The following SCLT1 variants were observed in gnomAD, a reference collection of about 807,000 sequenced individuals.
SCLT1 encodes sodium channel-associated protein 1.
SCLT1 carries 78 observed loss-of-function variants against 112.8 expected under a neutral mutation model. The ratio of observed to expected loss-of-function variants is 0.69; its 90% confidence interval spans 0.58 to 0.83. The LOEUF is 0.83. Ranked by LOEUF, SCLT1 falls within the 40% of genes least tolerant of loss-of-function variation. The pLI is 0.00. For missense variants in SCLT1, 747 were observed against 770.4 expected, an observed-to-expected ratio of 0.97 and a Z score of 0.36; for synonymous variants, 257 against 254.7, an observed-to-expected ratio of 1.01 and a Z score of -0.09.
chr4:128,875,233 G>GTCT (rs1337584185), intron 4 of SCLT1: 1 of 152,586 alleles, frequency 6.6e-6, no homozygotes. Context: ...CATTTTAAGT[G>GTCT]TCTTTTGAAA....
chr4:129,043,590 C>T (rs1747905699), intron 3 of SCLT1, 123 bp from the exon 4 acceptor site: 1 of 569,274 alleles, frequency 1.8e-6, no homozygotes. Flanking sequence ...AAAAACTTTT[C>T]CCTTTTTTCC....
At position 128,893,599 on chromosome 4, in the gene SCLT1, G is replaced by A. The variant is rs947071063; in HGVS notation, c.1830-2462C>T. On this transcript the variant is annotated intron_variant, in intron 18 of 20. Coordinates refer to ENST00000281142, the MANE Select transcript of SCLT1 (RefSeq NM_144643.4). The stretch of plus-strand genomic sequence containing the variant: ...GCTCTGTCCCCCAGGCTGGAGTGCA[G>A]TGGTGCCATCTCGGCTCACTGCAAG... Among the ~76,000 whole-genome samples the A allele has an allele frequency of 3.3e-5, 5 of 152,258 alleles. No homozygotes were observed. The East Asian group carries it at 7.7e-4, about 24-fold the overall frequency.
chr4:129,065,180 G>T, intron 2 of SCLT1, among the ~76,000 whole-genome samples: 1 of 151,594 alleles, frequency 6.6e-6, no homozygotes, highest in Admixed American at 6.6e-5. Context: ...AATTTACCAC[G>T]GATTTAACTC....
At chr4:129,056,543 T>G (rs1749412855) in intron 2 of SCLT1, among the ~76,000 whole-genome samples, 1 of 152,234 alleles carries the variant, frequency 6.6e-6, no homozygotes. Context: ...TATAGAAATC[T>G]TTCACCACCT....
intron 9 of SCLT1, among the ~76,000 whole-genome samples, chr4:128,972,967 G>A (rs1740822622): frequency 6.6e-6 from 1 of 152,088 alleles, no homozygotes; most frequent in Admixed American, 6.5e-5. Flanking sequence ...TAGCCTCAAA[G>A]AGTCTCATCT....
intron 3 of SCLT1, among the ~76,000 whole-genome samples, chr4:129,043,703 C>T (rs1172011270): frequency 6.6e-6 from 1 of 152,168 alleles, no homozygotes; most frequent in Admixed American, 6.5e-5. Context: ...TAACAGCATA[C>T]TTGGCCTCTA....
At chr4:129,088,357 T>C (rs1286359755) in intron 1 of SCLT1, among the ~76,000 whole-genome samples, 2 of 152,138 alleles carry the variant, frequency 1.3e-5, no homozygotes, top group African/African-American at 4.8e-5. Context: ...AAATTAAGAA[T>C]AGAAAGGAAC....
At chr4:128,937,469 T>G (rs1449959358) in intron 17 of SCLT1, among the ~76,000 whole-genome samples, 2 of 152,152 alleles carry the variant, frequency 1.3e-5, no homozygotes, top group African/African-American at 4.8e-5. Flanking sequence ...CACTTCTCTC[T>G]TTATTTACTC....
rs1299347813 is a variant in SCLT1, at chr4:128,903,289, G to C, written c.1830-12152C>G. Among the ~76,000 whole-genome samples, 12 of 151,720 alleles carry C rather than the reference G, an allele frequency of 7.9e-5. 1 individual carries two copies. ...TGCATTGCACTAAGACATTATAACA[G>C]CTATGACGTCACTACGCAACAGGAA... On this transcript the variant is annotated intron_variant, in intron 18 of 20. Transcript: ENST00000281142.
chr4:129,003,944 C>A, intron 5 of SCLT1, 68 bp from the exon 6 acceptor site: 1 of 1,399,890 alleles, frequency 7.1e-7, no homozygotes, highest in South Asian at 1.3e-5. Context: ...GTTTCGAGGT[C>A]AATTAAACAT....
chr4:128,979,537 TAATA>T (rs1199083702), intron 9 of SCLT1, among the ~76,000 whole-genome samples: 1 of 152,174 alleles, frequency 6.6e-6, no homozygotes, highest in African/African-American at 2.4e-5. Flanking sequence ...CTCCAGACTG[TAATA>T]AATACATTTC....
chr4:128,999,562 A>G (rs534617578), intron 7 of SCLT1, 110 bp downstream of exon 7: 1 of 623,134 alleles, frequency 1.6e-6, no homozygotes, highest in African/African-American at 1.9e-5. Flanking sequence ...TAAAGTGATT[A>G]GAAATTCTAA....
intron 16 of SCLT1, among the ~76,000 whole-genome samples, chr4:128,945,158 T>C (rs1461648839): frequency 1.3e-5 from 2 of 152,204 alleles, no homozygotes; most frequent in East Asian, 3.8e-4. Context: ...ATACTCATAA[T>C]GCAGAGACAC....
intron 5 of SCLT1, among the ~76,000 whole-genome samples, chr4:129,012,790 T>TC (rs1744651614): frequency 6.6e-6 from 1 of 151,792 alleles, no homozygotes; most frequent in Non-Finnish European, 1.5e-5. Context: ...CCATTTCTTT[T>TC]TTTTTTTTGC....
intron 1 of SCLT1, among the ~76,000 whole-genome samples, 191 bp downstream of exon 1, chr4:129,092,879 C>A (rs546502840): frequency 1.3e-5 from 2 of 152,322 alleles, no homozygotes; most frequent in East Asian, 3.9e-4. Context: ...GCTACAAGTA[C>A]TACCACACGG....
intron 18 of SCLT1, among the ~76,000 whole-genome samples, chr4:128,921,798 G>T (rs1735904434): frequency 6.6e-6 from 1 of 152,038 alleles, no homozygotes. Context: ...TGACATGTGG[G>T]ACCTAATTAA....
chr4:129,047,907 T>C (rs1383254997), intron 2 of SCLT1, among the ~76,000 whole-genome samples: 2 of 152,122 alleles, frequency 1.3e-5, no homozygotes, highest in African/African-American at 2.4e-5. Flanking sequence ...TAAATAGTTT[T>C]CAAATACTCT....
intron 5 of SCLT1, among the ~76,000 whole-genome samples, chr4:129,024,031 G>A (rs866989430): frequency 3.9e-5 from 6 of 152,356 alleles, no homozygotes; most frequent in Admixed American, 3.3e-4. Flanking sequence ...AAACAAAGCA[G>A]CCGGGAAGCT....
intron 2 of SCLT1, among the ~76,000 whole-genome samples, chr4:129,060,644 T>C (rs940005638): frequency 2.6e-5 from 4 of 152,136 alleles, no homozygotes; most frequent in Non-Finnish European, 5.9e-5. Context: ...CTGTAGAAGT[T>C]TGTGGCAGTG....
Sources: gnomAD v4.1 joint callset for allele counts (sites outside exome capture counted in the v4.1 genomes callset) on GRCh38, gnomAD v4.1.1 for gene constraint, MANE v1.5 for transcripts, NCBI Gene and HGNC (gene_info 2026-07-23, HGNC 2026-07-21) for gene names.